Variants in CPA4 observed in about 807,000 individuals in gnomAD.
The protein encoded by CPA4 is carboxypeptidase A4.
A neutral mutation model predicts 54.7 loss-of-function variants in CPA4; 49 were observed. The ratio of observed to expected loss-of-function variants is 0.90; its 90% CI spans 0.71 to 1.14. The LOEUF is 1.14. Among genes scored for constraint, CPA4 ranks in the 50% most tolerant of loss-of-function variants. The pLI is 0.00. For missense variants in CPA4, 487 were observed against 525.1 expected, an observed-to-expected ratio of 0.93 and a Z score of 0.71; for synonymous variants, 215 against 206.8, an observed-to-expected ratio of 1.04 and a Z score of -0.34.
chr7:130,319,091 C>T (rs1283342083), intron 10 of CPA4, among the ~76,000 whole-genome samples: 1 of 152,094 alleles, frequency 6.6e-6, no homozygotes, highest in Non-Finnish European at 1.5e-5. Context: ...GCCTGTTTTC[C>T]TTCTTGTGTT....
At chr7:130,319,323 A>G (rs558212618) in intron 10 of CPA4, among the ~76,000 whole-genome samples, 90 of 152,312 alleles carry the variant, frequency 5.9e-4, no homozygotes, top group African/African-American at 2.1e-3. Flanking sequence ...TTTCACGCTC[A>G]TGTGTGACAT....
At position 130,307,631 on chromosome 7, in the gene CPA4, G is replaced by GAAA. The variant is rs777184935; in HGVS notation, c.703-660_703-658dup. Among the ~76,000 whole-genome samples the GAAA allele has an allele frequency of 6.2e-5, 7 of 112,158 alleles. No homozygotes were observed. The East Asian group carries it at 9.7e-4, about 16-fold the overall frequency. The allele number at this position is 112,158 out of a possible 152,430, so 73.6% of individuals were successfully genotyped here. ...GGCGACAGGGCAAGACTCCATCTCA[G>GAAA]AAAAAAAAAAAAAAAAAAGTGTTTT... is the stretch of plus-strand genomic sequence containing the variant. On this transcript the variant is annotated intron_variant, in intron 7 of 10. Coordinates refer to ENST00000222482, the MANE Select transcript of CPA4 (RefSeq NM_016352.4).
At chr7:130,312,402 C>T (rs1350209472) in intron 10 of CPA4, among the ~76,000 whole-genome samples, 1 of 152,120 alleles carries the variant, frequency 6.6e-6, no homozygotes, top group East Asian at 1.9e-4. Flanking sequence ...GGGGAGACTC[C>T]CTCATCTTCC....
At chr7:130,309,270 A>T (rs1793875653) in intron 8 of CPA4, among the ~76,000 whole-genome samples, 1 of 152,246 alleles carries the variant, frequency 6.6e-6, no homozygotes, top group Non-Finnish European at 1.5e-5. Context: ...CTAATATTTT[A>T]AAAACACTCT....
intron 10 of CPA4, 46 bp from the exon 11 acceptor site, chr7:130,322,443 C>G (rs748924771): frequency 6.5e-7 from 1 of 1,547,322 alleles, no homozygotes; most frequent in Admixed American, 1.7e-5. Context: ...CCATCTAACC[C>G]AGGAGGGAAC....
chr7:130,304,571 G>A lies in CPA4; in HGVS notation c.478G>A (p.Val160Ile). The change falls in exon 5 of 11, where the codon GTA becomes ATA. Residue 160 changes from valine to isoleucine, a missense_variant. Val to Ile is a conservative substitution (Grantham distance 29). Transcript: ENST00000222482. ...GHSFENRPMYVLKFSTGKGVR... is the reference protein window; with the variant it reads ...GHSFENRPMYILKFSTGKGVR... ...TTCGTTTGAAAACCGGCCGATGTAT[G>A]TACTGAAGGTGAGGCCACATGCACT... 23 of 1,603,230 alleles carry A rather than the reference G, an allele frequency of 1.4e-5. No homozygotes were observed. The highest frequency in any genetic ancestry group is 1.9e-5 in the Non-Finnish European group (22 of 1,170,008).
Position 130,308,385 on chromosome 7 carries a change from G to C in CPA4, c.781G>C (p.Ala261Pro). ...IGADPNRNWN[A>P]SFAGKGASDN... Reference sequence around the variant, plus strand: ...TGCTGACCCAAATAGAAACTGGAACGCTAGTTTTGCAGGTAGGCGGTGGGG... The same window carrying C: ...TGCTGACCCAAATAGAAACTGGAACCCTAGTTTTGCAGGTAGGCGGTGGGG... The change falls in exon 8 of 11, where the codon GCT becomes CCT. Residue 261 changes from alanine (A) to proline (P), a missense_variant. Ala to Pro is a conservative substitution (Grantham distance 27). Coordinates refer to ENST00000222482, the MANE Select transcript of CPA4 (RefSeq NM_016352.4). 6.2e-7 allele frequency: 1 copy of C among 1,613,446 alleles called. No homozygotes were observed.
In CPA4 at chr7:130,304,527, G is replaced by A. The variant is rs1412427466; in HGVS notation, c.434G>A (p.Arg145Lys). ...GCCGCAGACTTTCCTGACCTGGCGA[G>A]GAGGGTGAAGATTGGACATTCGTTT... ...NIAADFPDLA[R>K]RVKIGHSFEN... Residue 145 changes from arginine (R) to lysine (K), a missense_variant, in exon 5 of 11, where the codon AGG (arginine) becomes AAG (lysine). Arg to Lys is a conservative substitution (Grantham distance 26, BLOSUM62 2). Transcript: ENST00000222482. The A allele has an allele frequency of 1.2e-6, 2 of 1,613,704 alleles. No homozygotes were observed. Among genetic ancestry groups the A allele is most frequent in the East Asian group, 4.5e-5 (2 of 44,892 alleles).
chr7:130,300,772 G>C, intron 3 of CPA4, 44 bp from the exon 4 acceptor site: 1 of 1,370,450 alleles, frequency 7.3e-7, no homozygotes, highest in East Asian at 2.3e-5. Flanking sequence ...ACATAAACCT[G>C]CGTCTGCAAT....
chr7:130,299,686 C>G, intron 3 of CPA4: 1 of 348,800 alleles, frequency 2.9e-6, no homozygotes, highest in Non-Finnish European at 5.4e-6. Flanking sequence ...TATTAACCCG[C>G]TGAGCCTCCG....
intron 1 of CPA4, among the ~76,000 whole-genome samples, chr7:130,297,571 G>A (rs1465939649): frequency 6.6e-6 from 1 of 152,128 alleles, no homozygotes; most frequent in Non-Finnish European, 1.5e-5. Flanking sequence ...GACTCCTTAA[G>A]TCTGGCCTAG....
intron 7 of CPA4, 117 bp downstream of exon 7, chr7:130,307,014 T>A (rs1793831824): frequency 1.4e-6 from 1 of 697,316 alleles, no homozygotes; most frequent in Admixed American, 2.2e-5. Context: ...TCCTTGGGAT[T>A]TCATCTTCTA....
At chr7:130,320,079 G>A (rs1457595842) in intron 10 of CPA4, among the ~76,000 whole-genome samples, 3 of 152,126 alleles carry the variant, frequency 2.0e-5, no homozygotes, top group Admixed American at 6.5e-5. Flanking sequence ...ACCCTTGTAA[G>A]TGTCTAAAAT....
chr7:130,308,461 T>G (rs991993238), intron 8 of CPA4, 64 bp downstream of exon 8: 2 of 1,353,004 alleles, frequency 1.5e-6, no homozygotes, highest in Non-Finnish European at 1.1e-6. Context: ...CTACCAGTGC[T>G]CTGAGCTGGC....
intron 3 of CPA4, chr7:130,299,696 G>T (rs575860795): frequency 6.2e-6 from 2 of 323,734 alleles, no homozygotes; most frequent in South Asian, 5.7e-5. Flanking sequence ...CTGAGCCTCC[G>T]TTTCTTCATC....
intron 10 of CPA4, among the ~76,000 whole-genome samples, chr7:130,318,976 AG>A (rs1333816344): frequency 1.3e-5 from 2 of 152,158 alleles, no homozygotes; most frequent in African/African-American, 4.8e-5. Context: ...AAGAGATTTA[AG>A]CCCCTTTTTT....
rs1794170689 is a variant in CPA4, at chr7:130,323,915, G to GTA, written c.*1240_*1241insAT. On this transcript the variant is annotated 3_prime_UTR_variant, in exon 11 of 11. Coordinates refer to ENST00000222482, the MANE Select transcript of CPA4 (RefSeq NM_016352.4). ...CTGGTTTGTGTGTGTGTGTGTGTGT[G>GTA]TGTGTGTGTGTGTGTGTGTGTTTGT... 1 of 152,352 alleles carries GTA rather than the reference G, an allele frequency of 6.6e-6. No homozygotes were observed. The highest frequency in any genetic ancestry group is 1.5e-5 in the Non-Finnish European group (1 of 68,588). The allele number at this position is 152,352 out of a possible 1,614,324, so 9.4% of individuals were successfully genotyped here.
intron 1 of CPA4, among the ~76,000 whole-genome samples, chr7:130,294,339 G>A (rs1793617322): frequency 6.6e-6 from 1 of 152,160 alleles, no homozygotes; most frequent in African/African-American, 2.4e-5. Context: ...CTTTGGGGTT[G>A]TTTTTTGAGG....
rs753335585 is a variant in CPA4, at chr7:130,314,109, A to G, written c.1078+1987A>G. ...TGAGGGAGAGGCTGTGAAAAGAGCC[A>G]GTTGCAAAAATGCTCTGTTTGCTTC... On this transcript the variant is annotated intron_variant, in intron 10 of 10. Coordinates refer to ENST00000222482, the MANE Select transcript of CPA4 (RefSeq NM_016352.4). 4.1e-4 allele frequency among the ~76,000 whole-genome samples: 63 copies of G among 152,352 alleles called. 1 individual carries two copies. Among genetic ancestry groups the G allele is most frequent in the Non-Finnish European group, 7.3e-4 (50 of 68,028 alleles).
Sources: gnomAD v4.1 joint callset for allele counts (sites outside exome capture counted in the v4.1 genomes callset) on GRCh38, gnomAD v4.1.1 for gene constraint, MANE v1.5 for transcripts, NCBI Gene and HGNC (gene_info 2026-07-23, HGNC 2026-07-21) for gene names.